Variants in SGK1 observed in about 807,000 individuals in gnomAD.
SGK1 encodes the protein serine/threonine-protein kinase Sgk1.
A neutral mutation model predicts 64.2 loss-of-function variants in SGK1; 26 were observed. That is an observed-to-expected ratio of 0.40 (90% CI 0.30 to 0.56). The LOEUF (loss-of-function observed/expected upper bound fraction) is 0.56. SGK1 is among the 20% of genes least tolerant of loss of function. The probability of loss-of-function intolerance (pLI) is 0.38; values close to 1 mark genes in which losing one functional copy is unlikely to be tolerated. For synonymous variants in SGK1, 265 were observed against 239.7 expected, an observed-to-expected ratio of 1.11 and a Z score of -0.98; for missense variants, 519 against 645.6, an observed-to-expected ratio of 0.80 and a Z score of 2.12.
Position 134,173,011 on chromosome 6 carries a change from C to T in SGK1, c.834+12G>A, listed in dbSNP as rs1234266535. 1.2e-6 allele frequency: 2 copies of T among 1,603,682 alleles called. No individual in the cohort carries two copies. Among genetic ancestry groups the T allele is most frequent in the African/African-American group, 1.3e-5 (1 of 74,538 alleles). ...GAGACACTAAGAGTTGACTTCTATC[C>T]CCCCTGCTCACCTCTCCACCATTAA... On this transcript the variant is annotated intron_variant, in intron 8 of 13. Transcript: ENST00000367858.
At chr6:134,254,862 A>G (rs1776656754) in intron 2 of SGK1, among the ~76,000 whole-genome samples, 1 of 152,108 alleles carries the variant, frequency 6.6e-6, no homozygotes, top group Non-Finnish European at 1.5e-5. Flanking sequence ...AATATATACA[A>G]ATCTCATTTT....
In SGK1 at chr6:134,237,058, C is replaced by CTTT. The variant is rs56379518; in HGVS notation, c.285+24872_285+24874dup. Among the ~76,000 whole-genome samples the CTTT allele has an allele frequency of 4.2e-3, 581 of 138,340 alleles. 13 individuals carry two copies. Among genetic ancestry groups the CTTT allele is most frequent in the Middle Eastern group, 0.011 (3 of 270 alleles). 90.8% of individuals were successfully genotyped at this position (138,340 alleles called of 152,430 possible). Reference sequence around the variant, plus strand: ...TGAAATTAATTTTCTTTTTCTTTTTCTTTTTTTTTTTTTTGAGATGGGGTC... The same window carrying CTTT: ...TGAAATTAATTTTCTTTTTCTTTTTCTTTTTTTTTTTTTTTTTGAGATGGGGTC... On this transcript the variant is annotated intron_variant, in intron 2 of 13. Transcript: ENST00000367858.
intron 1 of SGK1, among the ~76,000 whole-genome samples, chr6:134,266,217 T>C (rs1417433358): frequency 6.8e-6 from 1 of 148,116 alleles, no homozygotes; most frequent in African/African-American, 2.5e-5. Context: ...ACTCCTGATC[T>C]CGGGTGATCC....
rs1310367191 is a variant in SGK1 at position 134,256,397 on chromosome 6, T to C, written c.285+5536A>G. ...GTGTGTGTGTGTGTATGTGTGTGTG[T>C]GTCATTTAAGGCAGAAAGTAGAGAT... is the stretch of plus-strand genomic sequence containing the variant. On this transcript the variant is annotated intron_variant, in intron 2 of 13. Coordinates refer to ENST00000367858, the MANE Select transcript of SGK1 (RefSeq NM_001143676.3). Among the ~76,000 whole-genome samples the C allele has an allele frequency of 2.0e-5, 3 of 152,102 alleles. No homozygotes were observed. In the East Asian group the frequency reaches 5.8e-4, roughly 29 times the overall value.
chr6:134,305,606 A>G (rs958840400), intron 1 of SGK1, among the ~76,000 whole-genome samples: 1 of 151,506 alleles, frequency 6.6e-6, no homozygotes, highest in Non-Finnish European at 1.5e-5. Context: ...TACAATACAG[A>G]TGTGTCTCAG....
intron 3 of SGK1, among the ~76,000 whole-genome samples, chr6:134,205,518 TGAA>T (rs1775755668): frequency 6.6e-6 from 1 of 152,108 alleles, no homozygotes; most frequent in Non-Finnish European, 1.5e-5. Flanking sequence ...CTCCCTTTTA[TGAA>T]GAACAGATTA....
intron 1 of SGK1, among the ~76,000 whole-genome samples, chr6:134,308,245 C>T (rs777062270): frequency 6.6e-6 from 1 of 152,154 alleles, no homozygotes; most frequent in Non-Finnish European, 1.5e-5. Flanking sequence ...GGAAAGATCA[C>T]ATTTCTGAGT....
chr6:134,217,195 C>T (rs1776000102), intron 2 of SGK1, among the ~76,000 whole-genome samples: 1 of 152,144 alleles, frequency 6.6e-6, no homozygotes, highest in Admixed American at 6.6e-5. Flanking sequence ...TAGAAGAATG[C>T]TTTGCAAGAC....
At chr6:134,221,130 C>T (rs968795188) in intron 2 of SGK1, among the ~76,000 whole-genome samples, 5 of 151,986 alleles carry the variant, frequency 3.3e-5, no homozygotes, top group Non-Finnish European at 1.5e-5. Context: ...ATGGTGAAAC[C>T]CTGTCTTTAC....
chr6:134,206,356 TATATATATATATATATATATATATATA>T (rs1263915386), intron 3 of SGK1, among the ~76,000 whole-genome samples: 25 of 8,266 alleles, frequency 3.0e-3, no homozygotes, highest in Non-Finnish European at 4.8e-3. Context: ...TATATATATA[TATATATATATATATATATATATATATA>T]TTTTTTTTTT....
chr6:134,279,881 G>T (rs551156107), intron 1 of SGK1, among the ~76,000 whole-genome samples: 38 of 152,208 alleles, frequency 2.5e-4, no homozygotes, highest in South Asian at 1.2e-3. Flanking sequence ...ACTTAGCTTT[G>T]CTTAGAAAGC....
At chr6:134,258,334 C>G (rs538996530) in intron 2 of SGK1, among the ~76,000 whole-genome samples, 1 of 151,986 alleles carries the variant, frequency 6.6e-6, no homozygotes, top group Non-Finnish European at 1.5e-5. Context: ...CCATCCACCC[C>G]CCTTGGCTTC....
chr6:134,283,378 T>C (rs907801706), intron 1 of SGK1, among the ~76,000 whole-genome samples: 1 of 151,666 alleles, frequency 6.6e-6, no homozygotes, highest in East Asian at 1.9e-4. Context: ...GTAATCCCAG[T>C]TACTCAGGAG....
intron 1 of SGK1, among the ~76,000 whole-genome samples, chr6:134,299,953 C>T (rs1362367353): frequency 6.6e-6 from 1 of 150,996 alleles, no homozygotes; most frequent in East Asian, 1.9e-4. Context: ...GAAAGTAAGT[C>T]AAAAAGAGAG....
chr6:134,298,289 C>T (rs1777393603), intron 1 of SGK1: 6 of 1,546,734 alleles, frequency 3.9e-6, no homozygotes, highest in Non-Finnish European at 5.3e-6. Flanking sequence ...AACATGTTGT[C>T]CATGTTGCTC....
chr6:134,306,924 G>A (rs553316309), intron 1 of SGK1, among the ~76,000 whole-genome samples: 11 of 148,202 alleles, frequency 7.4e-5, no homozygotes, highest in Middle Eastern at 3.4e-3. Context: ...GGGGGGGGGC[G>A]GAATTTCAAC....
chr6:134,199,297 G>A (rs558796193), intron 3 of SGK1, among the ~76,000 whole-genome samples: 9 of 152,192 alleles, frequency 5.9e-5, no homozygotes, highest in African/African-American at 2.2e-4. Context: ...GGTGGCTCAC[G>A]CCTGTAATCT....
At chr6:134,173,701 TACATTTCATC>T (rs1775112958) in intron 5 of SGK1, 135 bp from the exon 6 acceptor site, 2 of 652,182 alleles carry the variant, frequency 3.1e-6, no homozygotes, top group South Asian at 2.1e-5. Flanking sequence ...CATTCAAAAC[TACATTTCATC>T]ACATTTCAAA....
intron 9 of SGK1, 156 bp downstream of exon 9, chr6:134,172,506 C>A: frequency 1.3e-6 from 1 of 786,942 alleles, no homozygotes; most frequent in Non-Finnish European, 2.0e-6. Context: ...CTGGTTCCCC[C>A]TTGGCACTTA....
Sources: allele counts gnomAD v4.1 joint callset (sites outside exome capture counted in the v4.1 genomes callset), GRCh38; gene constraint gnomAD v4.1.1; transcripts MANE v1.5; gene names NCBI Gene and HGNC (gene_info 2026-07-23, HGNC 2026-07-21).